The following SH3RF3 variants were observed in gnomAD, a reference collection of about 807,000 sequenced individuals.
SH3RF3 encodes E3 ubiquitin-protein ligase SH3RF3.
A neutral mutation model predicts 66.3 loss-of-function variants in SH3RF3; 29 were observed. That is an observed-to-expected ratio of 0.44 (90% confidence interval 0.33 to 0.60). The LOEUF (loss-of-function observed/expected upper bound fraction) is 0.60, where lower values mean the gene tolerates loss of function less well. SH3RF3 is among the 20% of genes least tolerant of loss of function. The pLI, the probability that SH3RF3 is intolerant of heterozygous loss-of-function variation, is 0.04. For missense variants in SH3RF3, 1,194 were observed against 1,190.9 expected, an observed-to-expected ratio of 1.00 and a Z score of -0.04; for synonymous variants, 583 against 532.0, an observed-to-expected ratio of 1.10 and a Z score of -1.32.
intron 3 of SH3RF3, among the ~76,000 whole-genome samples, chr2:109,375,961 C>T (rs1037382526): frequency 1.3e-5 from 2 of 152,234 alleles, no homozygotes; most frequent in African/African-American, 4.8e-5. Flanking sequence ...GTGGTCACCC[C>T]CTTTACCTTC....
intron 9 of SH3RF3, among the ~76,000 whole-genome samples, chr2:109,492,983 A>G (rs1454372135): frequency 2.2e-5 from 3 of 133,560 alleles, no homozygotes; most frequent in East Asian, 2.6e-4. Context: ...CTGGGTTCAC[A>G]CTGCACACCA....
At chr2:109,411,461 G>C (rs1676586917) in intron 4 of SH3RF3, among the ~76,000 whole-genome samples, 1 of 152,198 alleles carries the variant, frequency 6.6e-6, no homozygotes, top group Non-Finnish European at 1.5e-5. Flanking sequence ...GAGCCTGTCA[G>C]TGGGAGGACC....
chr2:109,312,690 GT>G (rs1681758979), intron 1 of SH3RF3, among the ~76,000 whole-genome samples: 1 of 152,214 alleles, frequency 6.6e-6, no homozygotes, highest in East Asian at 1.9e-4. Context: ...GGATCATAGA[GT>G]ATATCAGAAT....
intron 1 of SH3RF3, among the ~76,000 whole-genome samples, chr2:109,295,445 A>G (rs1484117479): frequency 6.6e-6 from 1 of 152,232 alleles, no homozygotes; most frequent in Non-Finnish European, 1.5e-5. Flanking sequence ...GCCGAGGGGC[A>G]CGCAGGGCAG....
chr2:109,431,254 G>T (rs1288361200), intron 5 of SH3RF3, among the ~76,000 whole-genome samples: 2 of 152,342 alleles, frequency 1.3e-5, no homozygotes, highest in South Asian at 2.1e-4. Flanking sequence ...CCACCCAGCA[G>T]CCTGCACTGG....
chr2:109,239,005 G>A (rs1679717447), intron 1 of SH3RF3, among the ~76,000 whole-genome samples: 1 of 152,194 alleles, frequency 6.6e-6, no homozygotes, highest in Admixed American at 6.5e-5. Context: ...AAAAGCTACT[G>A]GTAGACAGAA....
intron 1 of SH3RF3, among the ~76,000 whole-genome samples, chr2:109,239,324 G>A (rs948704296): frequency 2.0e-5 from 3 of 152,098 alleles, no homozygotes; most frequent in African/African-American, 7.2e-5. Flanking sequence ...GGGGCTATAG[G>A]AGTATTTTTG....
intron 4 of SH3RF3, among the ~76,000 whole-genome samples, chr2:109,416,443 C>G (rs1676725389): frequency 6.6e-6 from 1 of 151,864 alleles, no homozygotes; most frequent in South Asian, 2.1e-4. Flanking sequence ...ACTAAAAATA[C>G]AAAATATCTC....
At chr2:109,287,507 A>C (rs1488603445) in intron 1 of SH3RF3, among the ~76,000 whole-genome samples, 1 of 152,214 alleles carries the variant, frequency 6.6e-6, no homozygotes, top group African/African-American at 2.4e-5. Flanking sequence ...AGGTTGGGAC[A>C]CTACGCTCAG....
intron 7 of SH3RF3, among the ~76,000 whole-genome samples, chr2:109,441,911 T>C (rs1020422072): frequency 2.6e-5 from 4 of 152,082 alleles, no homozygotes; most frequent in Admixed American, 6.5e-5. Context: ...GAAAGAAATA[T>C]AGCTGTCAAT....
At chr2:109,225,805 G>C (rs1446302046) in intron 1 of SH3RF3, among the ~76,000 whole-genome samples, 1 of 152,138 alleles carries the variant, frequency 6.6e-6, no homozygotes, top group Non-Finnish European at 1.5e-5. Context: ...TCGCTCTGTT[G>C]CCCGGGCTGC....
rs553366753 is a variant in SH3RF3, at chr2:109,197,648, T to C, written c.573+67535T>C. 7.9e-5 allele frequency among the ~76,000 whole-genome samples: 12 copies of C among 152,306 alleles called. No individual in the cohort carries two copies. The South Asian group carries it at 2.5e-3, about 32-fold the overall frequency. On this transcript the variant is annotated intron_variant, in intron 1 of 9. Coordinates refer to ENST00000309415, the MANE Select transcript of SH3RF3 (RefSeq NM_001099289.3). ...TTTGAGATTCTTGGATATTTACCTT[T>C]GCATTTGTGTTTTGTGAGATGTGTT...
chr2:109,404,145 G>A (rs781605172), intron 4 of SH3RF3, among the ~76,000 whole-genome samples: 14 of 152,174 alleles, frequency 9.2e-5, no homozygotes, highest in African/African-American at 1.7e-4. Flanking sequence ...GGGTGTGGCC[G>A]AGACCACTGC....
At chr2:109,155,193 T>C (rs374955027) in intron 1 of SH3RF3, among the ~76,000 whole-genome samples, 1 of 152,250 alleles carries the variant, frequency 6.6e-6, no homozygotes, top group East Asian at 1.9e-4. Flanking sequence ...GCTATGCTGA[T>C]GTTCAGTGGT....
At chr2:109,405,434 G>A (rs1439802756) in intron 4 of SH3RF3, among the ~76,000 whole-genome samples, 2 of 152,110 alleles carry the variant, frequency 1.3e-5, no homozygotes, top group African/African-American at 2.4e-5. Context: ...CTGGCCCTTG[G>A]TTGCCTCTCC....
intron 9 of SH3RF3, among the ~76,000 whole-genome samples, chr2:109,491,229 G>T (rs1679124720): frequency 6.6e-6 from 1 of 152,164 alleles, no homozygotes; most frequent in Non-Finnish European, 1.5e-5. Flanking sequence ...CAAATAGTGG[G>T]AGACTAGGCA....
intron 8 of SH3RF3, among the ~76,000 whole-genome samples, chr2:109,449,978 G>C (rs1677820522): frequency 6.6e-6 from 1 of 152,182 alleles, no homozygotes; most frequent in African/African-American, 2.4e-5. Context: ...CAATGAGAAG[G>C]AACAGGAGAA....
At chr2:109,218,242 A>T (rs1679147894) in intron 1 of SH3RF3, among the ~76,000 whole-genome samples, 1 of 152,022 alleles carries the variant, frequency 6.6e-6, no homozygotes, top group African/African-American at 2.4e-5. Context: ...GTGGCATGGC[A>T]CAAAAAAAGA....
intron 2 of SH3RF3, among the ~76,000 whole-genome samples, chr2:109,361,775 G>A (rs1287090256): frequency 6.6e-6 from 1 of 152,114 alleles, no homozygotes; most frequent in African/African-American, 2.4e-5. Context: ...AAGGCCTATT[G>A]AATTATATAT....
Sources: allele counts gnomAD v4.1 joint callset (sites outside exome capture counted in the v4.1 genomes callset), GRCh38; gene constraint gnomAD v4.1.1; transcripts MANE v1.5; gene names NCBI Gene and HGNC (gene_info 2026-07-23, HGNC 2026-07-21).